Variants in FIGNL2 observed in about 807,000 individuals in gnomAD.
The protein encoded by FIGNL2 is fidgetin like 2, also known as fidgetin-like protein 2.
For missense variants in FIGNL2, 1,060 were observed against 950.2 expected, an observed-to-expected ratio of 1.12 and a Z score of -1.52; for synonymous variants, 565 against 484.0, an observed-to-expected ratio of 1.17 and a Z score of -2.20.
Position 51,822,386 on chromosome 12 carries a change from G to A in FIGNL2, c.28C>T (p.Pro10Ser), listed in dbSNP as rs753823722. Reference sequence around the variant, plus strand: ...TGCTGCTCTGGCCACTGGTTGAGGGGCTGGGCGTGTTCTGGTGTCCAGTGC... The same window carrying A: ...TGCTGCTCTGGCCACTGGTTGAGGGACTGGGCGTGTTCTGGTGTCCAGTGC... MHWTPEHAQ[P>S]LNQWPEQHLD... Residue 10 changes from proline (P) to serine (S), a missense_variant, in exon 2 of 2, where the codon CCC becomes TCC. Physicochemically the swap from Pro to Ser is moderately conservative, Grantham distance 74. Transcript: ENST00000618634. 5.6e-6 allele frequency: 9 copies of A among 1,613,762 alleles called. No individual in the cohort carries two copies. The South Asian group carries it at 7.7e-5, about 14-fold the overall frequency.
At position 51,818,704 on chromosome 12, in the gene FIGNL2, GAT is replaced by G. The variant is rs1339751885; in HGVS notation, c.*1746_*1747del. On this transcript the variant is annotated 3_prime_UTR_variant, in exon 2 of 2. Coordinates refer to ENST00000618634, the MANE Select transcript of FIGNL2 (RefSeq NM_001384995.1). ...GGCAAGGAACTGCACAGGAGGCTGA[GAT>G]GGGAGAGAGAAAAAGTGGTGGTGGG... The G allele has an allele frequency of 6.6e-6, 1 of 152,566 alleles. No individual in the cohort carries two copies. 9.5% of individuals were successfully genotyped at this position (152,566 alleles called of 1,614,324 possible).
intron 1 of FIGNL2, chr12:51,848,284 G>T: frequency 1.0e-6 from 1 of 985,044 alleles, no homozygotes; most frequent in Non-Finnish European, 1.2e-6. Flanking sequence ...CTGCGAGACG[G>T]GTGCCCGTCG....
At chr12:51,828,355 T>G (rs1939387768) in intron 1 of FIGNL2, 1 of 152,206 alleles carries the variant, frequency 6.6e-6, no homozygotes, top group Admixed American at 6.5e-5. Context: ...AGCAAGGTAT[T>G]GTTCCTGCGG....
chr12:51,842,939 G>A (rs1939686390), intron 1 of FIGNL2, among the ~76,000 whole-genome samples: 1 of 152,202 alleles, frequency 6.6e-6, no homozygotes, highest in Non-Finnish European at 1.5e-5. Context: ...ATGGTTGCTG[G>A]ATGAATAGCT....
intron 1 of FIGNL2, among the ~76,000 whole-genome samples, chr12:51,825,553 A>C (rs10747623): frequency 6.6e-6 from 1 of 151,722 alleles, no homozygotes; most frequent in East Asian, 1.9e-4. Flanking sequence ...ATACCCACGA[A>C]GTCTCCTCTA....
At chr12:51,833,046 T>C (rs921530216) in intron 1 of FIGNL2, among the ~76,000 whole-genome samples, 3 of 148,862 alleles carry the variant, frequency 2.0e-5, no homozygotes, top group Admixed American at 1.3e-4. Context: ...CCTCTCTCTC[T>C]TTTTTTTGTT....
In FIGNL2 at chr12:51,821,039, C is replaced by T. The variant is rs958631662; in HGVS notation, c.1375G>A (p.Ala459Thr). Residue 459 changes from alanine to threonine, a missense_variant, in exon 2 of 2, where the codon GCG becomes ACG. Physicochemically the swap from Ala to Thr is moderately conservative, Grantham distance 58. Coordinates refer to ENST00000618634, the MANE Select transcript of FIGNL2 (RefSeq NM_001384995.1). ...LGATLLRLRG[A>T]TLAAPGAAEG... Reference sequence around the variant, plus strand: ...GCGGCGCCGGGCGCAGCCAGGGTCGCGCCGCGCAGGCGCAACAGCGTGGCG... The same window carrying T: ...GCGGCGCCGGGCGCAGCCAGGGTCGTGCCGCGCAGGCGCAACAGCGTGGCG... 4 of 1,189,012 alleles carry T rather than the reference C, an allele frequency of 3.4e-6. No individual in the cohort carries two copies. Among genetic ancestry groups the T allele is most frequent in the Admixed American group, 4.6e-5 (1 of 21,896 alleles). The allele number at this position is 1,189,012 out of a possible 1,614,324, so 73.7% of individuals were successfully genotyped here.
At chr12:51,834,397 T>C (rs1939544816) in intron 1 of FIGNL2, among the ~76,000 whole-genome samples, 1 of 152,220 alleles carries the variant, frequency 6.6e-6, no homozygotes, top group African/African-American at 2.4e-5. Flanking sequence ...ATCTCTCTCC[T>C]TCTGTTACCC....
chr12:51,828,983 G>A (rs559044266), intron 1 of FIGNL2, among the ~76,000 whole-genome samples: 19 of 152,260 alleles, frequency 1.2e-4, no homozygotes, highest in African/African-American at 4.3e-4. Context: ...GATTCCTTCC[G>A]GATCTTCCAG....
Position 51,822,387 on chromosome 12 carries a change from C to T in FIGNL2, c.27G>A (p.Gln9=), listed in dbSNP as rs754749436. MHWTPEHA[Q]PLNQWPEQHL... ...GCTGCTCTGGCCACTGGTTGAGGGG[C>T]TGGGCGTGTTCTGGTGTCCAGTGCA... is the stretch of plus-strand genomic sequence containing the variant. The change falls in exon 2 of 2, where the codon CAG becomes CAA. Residue 9 remains glutamine, a synonymous_variant. Coordinates refer to ENST00000618634, the MANE Select transcript of FIGNL2 (RefSeq NM_001384995.1). The T allele has an allele frequency of 5.1e-5, 82 of 1,613,618 alleles. No homozygotes were observed. The highest frequency in any genetic ancestry group is 6.4e-5 in the Non-Finnish European group (76 of 1,179,846).
Position 51,821,719 on chromosome 12 carries a change from G to A in FIGNL2, c.695C>T (p.Thr232Ile), listed in dbSNP as rs1329330356. 7 of 1,331,086 alleles carry A rather than the reference G, an allele frequency of 5.3e-6. No individual in the cohort carries two copies. Among genetic ancestry groups the A allele is most frequent in the Non-Finnish European group, 6.7e-6 (7 of 1,048,230 alleles). The allele number at this position is 1,331,086 out of a possible 1,614,324, so 82.5% of individuals were successfully genotyped here. A position where few individuals can be genotyped will look rare whatever the true frequency, so the allele number is the denominator to read the frequency against. The change falls in exon 2 of 2, where the codon ACC (threonine) becomes ATC (isoleucine). Residue 232 changes from threonine to isoleucine, a missense_variant. Transcript: ENST00000618634. ...PPGPPPAPYL[T>I]PGLPAPTPLP... ...GGGCGTGGGCGCGGGCAGGCCCGGGGTCAGGTAGGGGGCCGGGGGTGGGCC... is the reference window on the plus strand; with the variant it reads ...GGGCGTGGGCGCGGGCAGGCCCGGGATCAGGTAGGGGGCCGGGGGTGGGCC...
rs370743547 is a variant in FIGNL2, at chr12:51,842,803, A to T, written c.-12+5737T>A. Among the ~76,000 whole-genome samples, 160 of 152,290 alleles carry T rather than the reference A, an allele frequency of 1.1e-3. 1 individual carries two copies. The highest frequency in any genetic ancestry group is 3.4e-3 in the Middle Eastern group (1 of 294). ...TGCCATTCCCCAGCTCACATGCCCTATGTGGCTTCCTTCTGCTTAGAGAAT... is the reference window on the plus strand; with the variant it reads ...TGCCATTCCCCAGCTCACATGCCCTTTGTGGCTTCCTTCTGCTTAGAGAAT... On this transcript the variant is annotated intron_variant, in intron 1 of 1. Coordinates refer to ENST00000618634, the MANE Select transcript of FIGNL2 (RefSeq NM_001384995.1).
At position 51,821,987 on chromosome 12, in the gene FIGNL2, G is replaced by T; in HGVS notation, c.427C>A (p.Leu143Ile). ...CCCCCGCACGCATTGCCGGCGTAGA[G>T]GGGTTCAGGGAGGTTCCCGGCTAAA... ...PVLAGNLPEP[L>I]YAGNACGGPS... The change falls in exon 2 of 2, where the codon CTC (leucine) becomes ATC (isoleucine). Residue 143 changes from leucine to isoleucine, a missense_variant. By Grantham distance (5) the Leu-to-Ile change is conservative. Coordinates refer to ENST00000618634, the MANE Select transcript of FIGNL2 (RefSeq NM_001384995.1). 6.3e-7 allele frequency: 1 copy of T among 1,578,894 alleles called. No homozygotes were observed. The highest frequency in any genetic ancestry group is 8.6e-7 in the Non-Finnish European group (1 of 1,163,742).
At chr12:51,837,418 G>A (rs1939596371) in intron 1 of FIGNL2, among the ~76,000 whole-genome samples, 1 of 152,154 alleles carries the variant, frequency 6.6e-6, no homozygotes, top group African/African-American at 2.4e-5. Context: ...AAGGGCGTGG[G>A]GCCTGCCGGT....
chr12:51,836,204 C>T (rs1939576198), intron 1 of FIGNL2, among the ~76,000 whole-genome samples: 1 of 152,164 alleles, frequency 6.6e-6, no homozygotes, highest in Non-Finnish European at 1.5e-5. Context: ...CTAGCTGAGT[C>T]AACTCCCTCC....
At chr12:51,828,644 C>T (rs1356348317) in intron 1 of FIGNL2, among the ~76,000 whole-genome samples, 1 of 152,160 alleles carries the variant, frequency 6.6e-6, no homozygotes, top group Non-Finnish European at 1.5e-5. Context: ...GCCCTCGGGT[C>T]CTGTGGGTGC....
chr12:51,845,677 G>A (rs969986294), intron 1 of FIGNL2: 2 of 985,408 alleles, frequency 2.0e-6, no homozygotes, highest in Non-Finnish European at 2.4e-6. Context: ...GGGAAGGTGA[G>A]GGAGACCAGC....
chr12:51,842,187 C>T (rs1939674722), intron 1 of FIGNL2: 1 of 152,230 alleles, frequency 6.6e-6, no homozygotes, highest in African/African-American at 2.4e-5. Flanking sequence ...CCTTTTTTCT[C>T]AACAAGGGGC....
At chr12:51,843,368 C>G (rs1939693160) in intron 1 of FIGNL2, among the ~76,000 whole-genome samples, 1 of 128,502 alleles carries the variant, frequency 7.8e-6, no homozygotes, top group Non-Finnish European at 1.6e-5. Context: ...AAAACCCCGT[C>G]TCTACTAAAA....
Sources: gnomAD v4.1 joint callset for allele counts (sites outside exome capture counted in the v4.1 genomes callset) on GRCh38, gnomAD v4.1.1 for gene constraint, MANE v1.5 for transcripts, NCBI Gene and HGNC (gene_info 2026-07-23, HGNC 2026-07-21) for gene names.